Variants in ZNF384 observed in about 807,000 individuals in gnomAD.
The protein encoded by ZNF384 is zinc finger protein 384.
A neutral mutation model predicts 65.0 loss-of-function variants in ZNF384; 20 were observed. The ratio of observed to expected loss-of-function variants is 0.31; its 90% confidence interval spans 0.22 to 0.45. The LOEUF is 0.45. Among genes scored for constraint, ZNF384 ranks in the 20% least tolerant of loss-of-function variants. The pLI is 1.00. For missense variants in ZNF384, 549 were observed against 769.4 expected, an observed-to-expected ratio of 0.71 and a Z score of 3.39; for synonymous variants, 310 against 303.9, an observed-to-expected ratio of 1.02 and a Z score of -0.21.
chr12:6,679,358 G>T, intron 3 of ZNF384, 97 bp downstream of exon 3: 1 of 1,316,874 alleles, frequency 7.6e-7, no homozygotes, highest in South Asian at 1.2e-5. Flanking sequence ...TCAGGGGTGG[G>T]GGACCCAGTA....
At chr12:6,676,996 C>T (rs1953888752) in intron 7 of ZNF384, among the ~76,000 whole-genome samples, 171 bp downstream of exon 7, 1 of 152,196 alleles carries the variant, frequency 6.6e-6, no homozygotes, top group African/African-American at 2.4e-5. Context: ...TAGAACTATA[C>T]AACACAAATA....
intron 10 of ZNF384, among the ~76,000 whole-genome samples, chr12:6,669,454 A>C (rs539974726): frequency 2.2e-4 from 33 of 151,854 alleles, no homozygotes; most frequent in South Asian, 1.5e-3. Context: ...GGGGATCTTT[A>C]GGGAACACTA....
chr12:6,670,755 T>C lies in ZNF384; in HGVS notation c.1266+5A>G, dbSNP rs766077770. Reference sequence around the variant, plus strand: ...AAGGTCTTGTGTGGAGGGTGGAACATTTACCTGCAGATTGGAGAGTTGTGT... The same window carrying C: ...AAGGTCTTGTGTGGAGGGTGGAACACTTACCTGCAGATTGGAGAGTTGTGT... On this transcript the variant is annotated splice_donor_5th_base_variant and intron_variant, in intron 10 of 11. Transcript: ENST00000683879. 9 of 1,613,834 alleles carry C rather than the reference T, an allele frequency of 5.6e-6. No individual in the cohort carries two copies. The East Asian group carries it at 8.9e-5, about 16-fold the overall frequency.
intron 7 of ZNF384, among the ~76,000 whole-genome samples, chr12:6,675,746 A>G (rs1483567323): frequency 6.6e-6 from 1 of 152,248 alleles, no homozygotes; most frequent in Non-Finnish European, 1.5e-5. Flanking sequence ...AAGTATGGCC[A>G]CTTTGAATTA....
chr12:6,679,660 T>TA, intron 2 of ZNF384, 135 bp from the exon 3 acceptor site: 1 of 661,402 alleles, frequency 1.5e-6, no homozygotes, highest in Non-Finnish European at 2.7e-6. Context: ...AGTCAAGACT[T>TA]AGTGTCTAGC....
rs144015181 is a variant in ZNF384 at position 6,683,925 on chromosome 12, G to A, written c.-6+4242C>T. 3.5e-3 allele frequency among the ~76,000 whole-genome samples: 537 copies of A among 152,198 alleles called. 2 individuals carry two copies. Among genetic ancestry groups the A allele is most frequent in the African/African-American group, 0.013 (524 of 41,520 alleles). ...CCAGCTATTCAGGAGGCTGAGAAAG[G>A]AGAATCACCTGAACCTGGGAGGTGG... On this transcript the variant is annotated intron_variant, in intron 2 of 11. Transcript: ENST00000683879.
At chr12:6,685,159 C>G (rs1278624405) in intron 2 of ZNF384, among the ~76,000 whole-genome samples, 1 of 151,770 alleles carries the variant, frequency 6.6e-6, no homozygotes, top group African/African-American at 2.4e-5. Context: ...CCTGTATCTA[C>G]AAAAAATTAA....
At chr12:6,685,079 T>A (rs1464868151) in intron 2 of ZNF384, among the ~76,000 whole-genome samples, 2 of 152,090 alleles carry the variant, frequency 1.3e-5, no homozygotes, top group Non-Finnish European at 2.9e-5. Context: ...AGAAAGTACT[T>A]TGGGAGGCCA....
intron 2 of ZNF384, among the ~76,000 whole-genome samples, chr12:6,683,509 C>T (rs11064313): frequency 6.6e-6 from 1 of 151,024 alleles, no homozygotes; most frequent in African/African-American, 2.4e-5. Context: ...AAAACCCCAT[C>T]TCTAATAAAA....
At chr12:6,685,348 G>C (rs1398163812) in intron 2 of ZNF384, among the ~76,000 whole-genome samples, 1 of 108,468 alleles carries the variant, frequency 9.2e-6, no homozygotes, top group Non-Finnish European at 1.9e-5. Flanking sequence ...AAAAGAAATA[G>C]AAAGGAAAGA....
intron 2 of ZNF384, among the ~76,000 whole-genome samples, chr12:6,682,894 G>A (rs764489052): frequency 1.3e-5 from 2 of 152,318 alleles, no homozygotes; most frequent in South Asian, 4.1e-4. Flanking sequence ...GACAATGCTA[G>A]GGGTTCAAGT....
rs781704130 is a variant in ZNF384, at chr12:6,667,939, C to CTGCTGT, written c.1601_1602insACAGCA (p.Gln546_Gln547dup). 1 of 1,608,768 alleles carries CTGCTGT rather than the reference C, an allele frequency of 6.2e-7. No homozygotes were observed. Among genetic ancestry groups the CTGCTGT allele is most frequent in the South Asian group, 1.1e-5 (1 of 90,778 alleles). On this transcript the variant is annotated inframe_insertion, in exon 12 of 12. Coordinates refer to ENST00000683879, the MANE Select transcript of ZNF384 (RefSeq NM_001385745.1). Reference sequence around the variant, plus strand: ...GCTGCTGCTGCTGCTGCTGCTGCTGCTGCTGCTGTGATGCCTGGGAGGCCT... The same window carrying CTGCTGT: ...GCTGCTGCTGCTGCTGCTGCTGCTGCTGCTGTTGCTGCTGTGATGCCTGGGAGGCCT...
chr12:6,676,594 G>A (rs1317466142), intron 7 of ZNF384, among the ~76,000 whole-genome samples: 1 of 152,178 alleles, frequency 6.6e-6, no homozygotes, highest in Non-Finnish European at 1.5e-5. Flanking sequence ...CATTAGAAGG[G>A]CTCTATAGAG....
At position 6,666,979 on chromosome 12, in the gene ZNF384, T is replaced by C. The variant is rs770249642; in HGVS notation, c.*735A>G. 9.3e-6 allele frequency: 2 copies of C among 216,192 alleles called. No individual in the cohort carries two copies. The highest frequency in any genetic ancestry group is 1.8e-4 in the South Asian group (1 of 5,406). The allele number at this position is 216,192 out of a possible 1,614,324, so 13.4% of individuals were successfully genotyped here. On this transcript the variant is annotated 3_prime_UTR_variant, in exon 12 of 12. Coordinates refer to ENST00000683879, the MANE Select transcript of ZNF384 (RefSeq NM_001385745.1). ...CCTCCCACAGCTCCTTGGGGGTGGG[T>C]TGGGGAGACTGAGAGTATAGGGTCT... is the stretch of plus-strand genomic sequence containing the variant.
Position 6,679,452 on chromosome 12 carries a change from T to A in ZNF384, c.66+3A>T, listed in dbSNP as rs1955050911. The A allele has an allele frequency of 6.2e-7, 1 of 1,613,784 alleles. No individual in the cohort carries two copies. The highest frequency in any genetic ancestry group is 1.3e-5 in the African/African-American group (1 of 74,928). On this transcript the variant is annotated splice_donor_region_variant and intron_variant, in intron 3 of 11. Coordinates refer to ENST00000683879, the MANE Select transcript of ZNF384 (RefSeq NM_001385745.1). ...GAGAGAGCAAGAAAGCAACACCACT[T>A]ACCTGACCTGAGACTGTGGGGATAG...
rs773757880 is a variant in ZNF384, at chr12:6,673,719, G to A, written c.780-279C>T. Among the ~76,000 whole-genome samples the A allele has an allele frequency of 5.3e-5, 8 of 152,160 alleles. No homozygotes were observed. Among genetic ancestry groups the A allele is most frequent in the Non-Finnish European group, 1.0e-4 (7 of 68,028 alleles). On this transcript the variant is annotated intron_variant, in intron 7 of 11. Transcript: ENST00000683879. The surrounding 1 kb of genome is among the most constrained non-coding windows in gnomAD (Gnocchi z 4.7). ...GAAACAGTATGAACTCTGGGCAGAT[G>A]CGAATTTCAATGGGCCAGGAATATC... is the stretch of plus-strand genomic sequence containing the variant.
At chr12:6,668,925 G>C (rs746681562) in intron 11 of ZNF384, 106 bp downstream of exon 11, 133 of 1,240,544 alleles carry the variant, frequency 1.1e-4, no homozygotes, top group Admixed American at 2.1e-4. Context: ...GTTGGAGCTA[G>C]GGAGGCAGGG....
At chr12:6,670,723 C>T in intron 10 of ZNF384, 37 bp downstream of exon 10, 1 of 1,592,742 alleles carries the variant, frequency 6.3e-7, no homozygotes, top group Non-Finnish European at 8.6e-7. Flanking sequence ...CCCCATGTCT[C>T]AGACTCAAGG....
intron 2 of ZNF384, among the ~76,000 whole-genome samples, chr12:6,686,875 C>T (rs1958113377): frequency 6.6e-6 from 1 of 152,104 alleles, no homozygotes; most frequent in African/African-American, 2.4e-5. Flanking sequence ...AAATCTATAG[C>T]CTCCGGTTTA....
Sources: gnomAD v4.1 joint callset for allele counts (sites outside exome capture counted in the v4.1 genomes callset) on GRCh38, gnomAD v4.1.1 for gene constraint, Gnocchi (gnomAD v3.1) non-coding constraint, MANE v1.5 for transcripts, NCBI Gene and HGNC (gene_info 2026-07-23, HGNC 2026-07-21) for gene names.